CNTN1: variants seen among roughly 807,000 people sequenced by gnomAD.
The protein encoded by CNTN1 is contactin-1.
Under a neutral mutation model 126.4 loss-of-function variants are expected in CNTN1, and 38 were observed. That is an observed-to-expected ratio of 0.30 (90% CI 0.23 to 0.39). The LOEUF (loss-of-function observed/expected upper bound fraction) is 0.39. Among genes scored for constraint, CNTN1 ranks in the 10% least tolerant of loss-of-function variants. CNTN1 has a pLI of 1.00. For missense variants in CNTN1, 1,009 were observed against 1,248.4 expected (o/e 0.81, Z 2.89); for synonymous variants, 413 against 422.6 (o/e 0.98, Z 0.28).
chr12:40,801,455 A>G (rs943062923), intron 1 of CNTN1, among the ~76,000 whole-genome samples: 1 of 152,010 alleles, frequency 6.6e-6, no homozygotes, highest in Admixed American at 6.6e-5. Flanking sequence ...TATAGTTTTG[A>G]TCAGAGTAAT....
chr12:40,888,223 C>T (rs1324259150), intron 1 of CNTN1, among the ~76,000 whole-genome samples: 1 of 152,064 alleles, frequency 6.6e-6, no homozygotes, highest in Admixed American at 6.5e-5. Flanking sequence ...TTATTAATAA[C>T]CCGATTAATT....
At chr12:40,832,131 A>G (rs1941864067) in intron 1 of CNTN1, among the ~76,000 whole-genome samples, 1 of 152,210 alleles carries the variant, frequency 6.6e-6, no homozygotes, top group South Asian at 2.1e-4. Context: ...CTTAATAGGC[A>G]GTGAACACCC....
intron 1 of CNTN1, among the ~76,000 whole-genome samples, chr12:40,858,772 A>G (rs1943009788): frequency 1.3e-5 from 2 of 152,204 alleles, no homozygotes; most frequent in Admixed American, 6.5e-5. Context: ...TGTGGTATAT[A>G]TACACCATGG....
At chr12:40,898,647 CT>C (rs1314213758) in intron 1 of CNTN1, among the ~76,000 whole-genome samples, 1 of 152,128 alleles carries the variant, frequency 6.6e-6, no homozygotes, top group East Asian at 1.9e-4. Flanking sequence ...TTCAATGACT[CT>C]TTTACCTAAA....
intron 3 of CNTN1, among the ~76,000 whole-genome samples, chr12:40,918,162 T>C (rs188705295): frequency 2.6e-5 from 4 of 152,214 alleles, no homozygotes; most frequent in East Asian, 1.9e-4. Flanking sequence ...CCAAGAATCA[T>C]AGCAAGTGTA....
chr12:40,964,825 G>C (rs1947248654), intron 15 of CNTN1, among the ~76,000 whole-genome samples: 1 of 152,066 alleles, frequency 6.6e-6, no homozygotes, highest in Non-Finnish European at 1.5e-5. Context: ...GTTTTAGCTG[G>C]AATAATATTG....
At chr12:41,055,450 A>G (rs918436345) in intron 23 of CNTN1, among the ~76,000 whole-genome samples, 1 of 151,946 alleles carries the variant, frequency 6.6e-6, no homozygotes, top group Admixed American at 6.6e-5. Context: ...TTCTGCTGCC[A>G]CCTGGAAGTA....
rs12317953 is a variant in CNTN1, at chr12:40,840,938, A to G, written c.-76-67419A>G. 9.2e-3 allele frequency among the ~76,000 whole-genome samples: 998 copies of G among 108,162 alleles called. 15 individuals are homozygous for G. The highest frequency in any genetic ancestry group is 0.029 in the African/African-American group (933 of 32,054). The allele number at this position is 108,162 out of a possible 152,430, so 71.0% of individuals were successfully genotyped here. On this transcript the variant is annotated intron_variant, in intron 1 of 23. Coordinates refer to ENST00000551295, the MANE Select transcript of CNTN1 (RefSeq NM_001843.4). ...AAACCAAATTCAAAATTAGCAGATG[A>G]AAAAAAATAAAAATGAGACCAGAAC...
intron 1 of CNTN1, among the ~76,000 whole-genome samples, chr12:40,768,322 G>GC (rs1371314728): frequency 1.3e-5 from 2 of 152,196 alleles, no homozygotes; most frequent in African/African-American, 4.8e-5. Context: ...TCCACCGCGA[G>GC]CCCGCAGATC....
At chr12:40,849,980 T>C (rs1336887850) in intron 1 of CNTN1, among the ~76,000 whole-genome samples, 1 of 151,694 alleles carries the variant, frequency 6.6e-6, no homozygotes, top group Non-Finnish European at 1.5e-5. Flanking sequence ...GTGAGATCTA[T>C]ATATATATAT....
chr12:40,802,145 C>A (rs867735616), intron 1 of CNTN1, among the ~76,000 whole-genome samples: 1 of 151,696 alleles, frequency 6.6e-6, no homozygotes, highest in Non-Finnish European at 1.5e-5. Context: ...ATGAAATAAC[C>A]AAGTAGAAAT....
intron 12 of CNTN1, among the ~76,000 whole-genome samples, chr12:40,939,798 A>T (rs1174307246): frequency 6.6e-6 from 1 of 152,128 alleles, no homozygotes; most frequent in African/African-American, 2.4e-5. Flanking sequence ...ATAAAGTAGG[A>T]TCTCTCTAAC....
intron 7 of CNTN1, 46 bp downstream of exon 7, chr12:40,930,048 A>T (rs769749210): frequency 7.4e-7 from 1 of 1,346,788 alleles, no homozygotes; most frequent in East Asian, 2.3e-5. Flanking sequence ...GGTTATCTAC[A>T]TATGGTATAC....
intron 14 of CNTN1, among the ~76,000 whole-genome samples, chr12:40,957,325 G>T (rs1946923957): frequency 6.6e-6 from 1 of 151,914 alleles, no homozygotes; most frequent in African/African-American, 2.4e-5. Flanking sequence ...CTGCCAACAA[G>T]ATGGCAGAGC....
At chr12:40,713,103 C>A (rs1941964491) in intron 1 of CNTN1, among the ~76,000 whole-genome samples, 1 of 152,098 alleles carries the variant, frequency 6.6e-6, no homozygotes, top group Admixed American at 6.6e-5. Flanking sequence ...AAGAAAAACA[C>A]CACTAGCTTC....
At chr12:41,018,330 C>A (rs1472487063) in intron 19 of CNTN1, among the ~76,000 whole-genome samples, 1 of 151,976 alleles carries the variant, frequency 6.6e-6, no homozygotes, top group Non-Finnish European at 1.5e-5. Flanking sequence ...ATTGGTTCAC[C>A]CAACTTCCAT....
intron 1 of CNTN1, among the ~76,000 whole-genome samples, chr12:40,838,556 T>G (rs946324078): frequency 1.3e-5 from 2 of 152,178 alleles, no homozygotes; most frequent in Non-Finnish European, 2.9e-5. Context: ...AACCCACTGC[T>G]GCCAGCACTG....
At chr12:41,008,714 A>AACCATCTAT (rs1392884111) in intron 17 of CNTN1, among the ~76,000 whole-genome samples, 1 of 152,168 alleles carries the variant, frequency 6.6e-6, no homozygotes, top group Non-Finnish European at 1.5e-5. Flanking sequence ...GACTTCCATG[A>AACCATCTAT]ACCATCTATG....
chr12:40,962,558 T>G (rs1947141518), intron 15 of CNTN1, among the ~76,000 whole-genome samples: 1 of 152,078 alleles, frequency 6.6e-6, no homozygotes, highest in Non-Finnish European at 1.5e-5. Context: ...TTTTGTGTCA[T>G]GTATGGTAGG....
Sources: gnomAD v4.1 joint callset for allele counts (sites outside exome capture counted in the v4.1 genomes callset) on GRCh38, gnomAD v4.1.1 for gene constraint, MANE v1.5 for transcripts, NCBI Gene and HGNC (gene_info 2026-07-23, HGNC 2026-07-21) for gene names.